GREB1L: variants seen among roughly 807,000 people sequenced by gnomAD.
GREB1L encodes GREB1-like protein.
Under a neutral mutation model 200.8 loss-of-function variants are expected in GREB1L, and 17 were observed. The observed-to-expected ratio is 0.08, with a 90% CI of 0.06 to 0.13. The LOEUF is 0.13. GREB1L is among the 10% of genes least tolerant of loss of function. The probability of loss-of-function intolerance (pLI) is 1.00; values close to 1 mark genes in which losing one functional copy is unlikely to be tolerated. For missense variants in GREB1L, 1,657 were observed against 2,367.7 expected (o/e 0.70, Z 6.23); for synonymous variants, 789 against 893.0 (o/e 0.88, Z 2.08).
At chr18:21,449,952 G>T in intron 12 of GREB1L, 116 bp downstream of exon 12, 2 of 816,964 alleles carry the variant, frequency 2.4e-6, no homozygotes, top group Non-Finnish European at 3.7e-6. Context: ...ATTAATTGCT[G>T]GAGCTTGGGC....
At chr18:21,493,676 G>A (rs538552105) in intron 19 of GREB1L, among the ~76,000 whole-genome samples, 1 of 151,912 alleles carries the variant, frequency 6.6e-6, no homozygotes, top group Admixed American at 6.6e-5. Context: ...GACCAGCCTG[G>A]CCAATATGGC....
chr18:21,380,901 C>T (rs2143976620), intron 2 of GREB1L, among the ~76,000 whole-genome samples: 1 of 151,534 alleles, frequency 6.6e-6, no homozygotes, highest in African/African-American at 2.4e-5. Context: ...GAGTTCAAGA[C>T]GAGCCTGGCC....
chr18:21,305,479 T>A (rs2038685047), intron 1 of GREB1L, among the ~76,000 whole-genome samples: 1 of 152,168 alleles, frequency 6.6e-6, no homozygotes, highest in East Asian at 1.9e-4. Flanking sequence ...TCTAAACAGA[T>A]CCTTCATTCA....
At chr18:21,482,949 CAT>C (rs1385740852) in intron 17 of GREB1L, among the ~76,000 whole-genome samples, 2 of 152,136 alleles carry the variant, frequency 1.3e-5, no homozygotes, top group African/African-American at 4.8e-5. Flanking sequence ...TTTCATAACT[CAT>C]AGTTTAAAGG....
intron 2 of GREB1L, among the ~76,000 whole-genome samples, chr18:21,370,702 A>C (rs575944431): frequency 3.0e-4 from 46 of 152,340 alleles, no homozygotes; most frequent in Non-Finnish European, 5.7e-4. Context: ...TTAGAACTTA[A>C]GAAATCTTTT....
chr18:21,394,798 G>A lies in GREB1L; in HGVS notation c.356-587G>A, dbSNP rs73432799. Among the ~76,000 whole-genome samples, 312 of 152,000 alleles carry A rather than the reference G, an allele frequency of 2.1e-3. 1 individual carries two copies. The highest frequency in any genetic ancestry group is 7.2e-3 in the African/African-American group (297 of 41,460). On this transcript the variant is annotated intron_variant, in intron 4 of 32. Coordinates refer to ENST00000424526, the MANE Select transcript of GREB1L (RefSeq NM_001142966.3). ...CTACGTGGTTTTCAAAGTTTGTTGT[G>A]TATTCACCATTGCCCCACTTGTTGA...
intron 1 of GREB1L, among the ~76,000 whole-genome samples, chr18:21,271,814 G>A (rs1367014992): frequency 3.3e-5 from 5 of 152,020 alleles, no homozygotes; most frequent in South Asian, 4.2e-4. Context: ...AAATCCCTGC[G>A]GTGGACTTTC....
At position 21,356,545 on chromosome 18, in the gene GREB1L, T is replaced by C. The variant is rs114437473; in HGVS notation, c.-119-9482T>C. Reference sequence around the variant, plus strand: ...TGAATAGTATTCCATTGTGTATATATACCACATTTTCCTTGTACATACATC... The same window carrying C: ...TGAATAGTATTCCATTGTGTATATACACCACATTTTCCTTGTACATACATC... On this transcript the variant is annotated intron_variant, in intron 1 of 32. Coordinates refer to ENST00000424526, the MANE Select transcript of GREB1L (RefSeq NM_001142966.3). Among the ~76,000 whole-genome samples, 1,137 of 152,316 alleles carry C rather than the reference T, an allele frequency of 7.5e-3. 14 individuals are homozygous for C. Among genetic ancestry groups the C allele is most frequent in the African/African-American group, 0.025 (1,029 of 41,576 alleles).
chr18:21,496,333 T>C (rs1187415766), intron 20 of GREB1L, 121 bp from the exon 21 acceptor site: 1 of 1,081,328 alleles, frequency 9.2e-7, no homozygotes, highest in Non-Finnish European at 1.3e-6. Flanking sequence ...CAGTCAAGGC[T>C]CACCTGGCAC....
chr18:21,476,281 T>G (rs1726711535), intron 16 of GREB1L, among the ~76,000 whole-genome samples: 1 of 152,144 alleles, frequency 6.6e-6, no homozygotes. Context: ...CAAAGCTCTT[T>G]TTCAGAAGCC....
chr18:21,300,880 C>T (rs2038607172), intron 1 of GREB1L, among the ~76,000 whole-genome samples: 1 of 152,120 alleles, frequency 6.6e-6, no homozygotes, highest in Non-Finnish European at 1.5e-5. Flanking sequence ...GGATCTTGCT[C>T]TTAGAAAATT....
intron 1 of GREB1L, among the ~76,000 whole-genome samples, chr18:21,346,814 T>G (rs1187600469): frequency 6.6e-6 from 1 of 152,212 alleles, no homozygotes; most frequent in African/African-American, 2.4e-5. Flanking sequence ...GCTTCCATCC[T>G]TGTTCTCTCT....
At chr18:21,279,870 G>A (rs920612527) in intron 1 of GREB1L, among the ~76,000 whole-genome samples, 1 of 152,078 alleles carries the variant, frequency 6.6e-6, no homozygotes, top group Non-Finnish European at 1.5e-5. Context: ...TTTGTTTTTA[G>A]TTTGTAGACT....
chr18:21,488,818 A>G (rs2036223342), intron 18 of GREB1L, among the ~76,000 whole-genome samples: 1 of 151,926 alleles, frequency 6.6e-6, no homozygotes, highest in Admixed American at 6.6e-5. Context: ...CACCACACCC[A>G]GCTAATTTTT....
chr18:21,454,004 C>T (rs1032157076), intron 14 of GREB1L, among the ~76,000 whole-genome samples: 13 of 152,318 alleles, frequency 8.5e-5, no homozygotes, highest in African/African-American at 2.9e-4. Flanking sequence ...CTAAAGAAAA[C>T]TGGAAATGCT....
intron 2 of GREB1L, among the ~76,000 whole-genome samples, chr18:21,382,678 A>G (rs1328108132): frequency 6.6e-6 from 1 of 151,738 alleles, no homozygotes; most frequent in Admixed American, 6.6e-5. Flanking sequence ...TTTAGTAGAG[A>G]CGGGGTTTCA....
At chr18:21,307,876 G>C (rs1424328871) in intron 1 of GREB1L, among the ~76,000 whole-genome samples, 1 of 151,762 alleles carries the variant, frequency 6.6e-6, no homozygotes, top group East Asian at 1.9e-4. Context: ...TCTCCTTTGG[G>C]GTTCCTGTAA....
chr18:21,244,526 A>G (rs1166477138), intron 1 of GREB1L, among the ~76,000 whole-genome samples: 1 of 152,182 alleles, frequency 6.6e-6, no homozygotes, highest in Admixed American at 6.5e-5. Flanking sequence ...AAGGAATTGA[A>G]CTATGTGATT....
intron 5 of GREB1L, among the ~76,000 whole-genome samples, chr18:21,395,784 C>T (rs753587019): frequency 1.3e-5 from 2 of 150,196 alleles, no homozygotes; most frequent in Non-Finnish European, 2.9e-5. Flanking sequence ...GGCTGGAGTG[C>T]AATGGTGCAG....
Sources: gnomAD v4.1 joint callset for allele counts (sites outside exome capture counted in the v4.1 genomes callset) on GRCh38, gnomAD v4.1.1 for gene constraint, MANE v1.5 for transcripts, NCBI Gene and HGNC (gene_info 2026-07-23, HGNC 2026-07-21) for gene names.